The following TRPM6 variants were observed in gnomAD, a reference collection of about 807,000 sequenced individuals.
The protein encoded by TRPM6 is transient receptor potential cation channel subfamily M member 6, also known as channel kinase 2.
A neutral mutation model predicts 247.6 loss-of-function variants in TRPM6; 111 were observed. That is an observed-to-expected ratio of 0.45 (90% CI 0.38 to 0.52). The LOEUF is 0.52. TRPM6 is among the 20% of genes least tolerant of loss of function. TRPM6 has a pLI of 0.00. For missense variants in TRPM6, 2,126 were observed against 2,421.5 expected (o/e 0.88, Z 2.56); for synonymous variants, 892 against 853.8 (o/e 1.04, Z -0.78).
chr9:74,749,910 C>A (rs1826181318), intron 30 of TRPM6, among the ~76,000 whole-genome samples: 1 of 152,152 alleles, frequency 6.6e-6, no homozygotes, highest in South Asian at 2.1e-4. Context: ...CACCTTCTAC[C>A]TGCTGGGTAT....
chr9:74,777,435 G>T (rs778590603), intron 23 of TRPM6, among the ~76,000 whole-genome samples: 1 of 152,140 alleles, frequency 6.6e-6, no homozygotes, highest in South Asian at 2.1e-4. Flanking sequence ...CCTATGCGAG[G>T]ATTTCTCAAC....
chr9:74,804,217 C>T (rs937916854), intron 14 of TRPM6, among the ~76,000 whole-genome samples: 2 of 152,062 alleles, frequency 1.3e-5, no homozygotes, highest in African/African-American at 4.8e-5. Flanking sequence ...CTCCCTGGAA[C>T]GAGTTCAAAA....
At chr9:74,839,884 A>AGGAAGGAAGGAAGGAG (rs1829860827) in intron 5 of TRPM6, 140 bp downstream of exon 5, 1 of 195,234 alleles carries the variant, frequency 5.1e-6, no homozygotes. Flanking sequence ...GAAGGAAGGA[A>AGGAAGGAAGGAAGGAG]GGAAGGAAGG....
rs1329362156 is a variant in TRPM6, at chr9:74,739,458, T to C, written c.5488-9A>G. On this transcript the variant is annotated splice_polypyrimidine_tract_variant and intron_variant, in intron 34 of 38. Coordinates refer to ENST00000360774, the MANE Select transcript of TRPM6 (RefSeq NM_017662.5). ...CTTTGTTGTTGAATTTCCTACAAAATAGGGAGCACTGATAAAAATACTGAT... is the reference window on the plus strand; with the variant it reads ...CTTTGTTGTTGAATTTCCTACAAAACAGGGAGCACTGATAAAAATACTGAT... 6.2e-7 allele frequency: 1 copy of C among 1,612,024 alleles called. No individual in the cohort carries two copies. The highest frequency in any genetic ancestry group is 1.7e-5 in the Admixed American group (1 of 60,016).
intron 21 of TRPM6, 41 bp from the exon 22 acceptor site, chr9:74,782,894 T>G: frequency 6.2e-7 from 1 of 1,601,284 alleles, no homozygotes. Flanking sequence ...TACCACAGAT[T>G]TGAAGTTCAA....
intron 19 of TRPM6, among the ~76,000 whole-genome samples, chr9:74,791,893 A>T (rs1348528396): frequency 2.0e-5 from 3 of 152,112 alleles, no homozygotes; most frequent in African/African-American, 7.2e-5. Flanking sequence ...AGTAGCTGGG[A>T]CTACAGGCGC....
At chr9:74,744,360 T>G (rs957319505) in intron 31 of TRPM6, among the ~76,000 whole-genome samples, 2 of 152,116 alleles carry the variant, frequency 1.3e-5, no homozygotes, top group African/African-American at 4.8e-5. Flanking sequence ...CATATTTATA[T>G]AGGGAATTGA....
At chr9:74,840,575 G>C (rs993173784) in intron 4 of TRPM6, among the ~76,000 whole-genome samples, 3 of 152,166 alleles carry the variant, frequency 2.0e-5, no homozygotes, top group Non-Finnish European at 4.4e-5. Flanking sequence ...AGCACTTCGG[G>C]AGGCCGAGGT....
intron 32 of TRPM6, among the ~76,000 whole-genome samples, chr9:74,742,935 T>C (rs1825908723): frequency 6.6e-6 from 1 of 152,222 alleles, no homozygotes; most frequent in South Asian, 2.1e-4. Flanking sequence ...TTCTTTTAAA[T>C]GGCATTTTAA....
At chr9:74,763,830 G>A (rs145974124) in intron 25 of TRPM6, among the ~76,000 whole-genome samples, 1 of 152,274 alleles carries the variant, frequency 6.6e-6, no homozygotes, top group East Asian at 1.9e-4. Context: ...CCTTTCAAAT[G>A]TAAATGTAAG....
Position 74,833,923 on chromosome 9 carries a change from A to C in TRPM6, c.669+75T>G, listed in dbSNP as rs1213546565. 6 of 1,583,012 alleles carry C rather than the reference A, an allele frequency of 3.8e-6. No homozygotes were observed. The African/African-American group carries it at 8.1e-5, about 21-fold the overall frequency. On this transcript the variant is annotated intron_variant, in intron 6 of 38. Coordinates refer to ENST00000360774, the MANE Select transcript of TRPM6 (RefSeq NM_017662.5). ...CATCTGTAATGTTCATTCATTAGAC[A>C]TCCAGGTACAGTGTTAAGCTGGCAA... is the stretch of plus-strand genomic sequence containing the variant.
intron 1 of TRPM6, among the ~76,000 whole-genome samples, chr9:74,861,401 A>AT (rs1458769128): frequency 6.6e-6 from 1 of 152,110 alleles, no homozygotes; most frequent in African/African-American, 2.4e-5. Context: ...TATTTTTTTA[A>AT]TTTTTTGTAT....
intron 30 of TRPM6, among the ~76,000 whole-genome samples, chr9:74,748,541 G>A (rs1804693652): frequency 6.6e-6 from 1 of 152,162 alleles, no homozygotes; most frequent in South Asian, 2.1e-4. Context: ...TGATGATCCT[G>A]ATCCTGTGTA....
chr9:74,839,738 G>A (rs1829852412), intron 5 of TRPM6, among the ~76,000 whole-genome samples: 1 of 151,918 alleles, frequency 6.6e-6, no homozygotes, highest in Non-Finnish European at 1.5e-5. Flanking sequence ...CTAGTCACTA[G>A]GATTTTCATC....
At chr9:74,852,806 AGGC>A (rs1376995827) in intron 3 of TRPM6, among the ~76,000 whole-genome samples, 6 of 152,164 alleles carry the variant, frequency 3.9e-5, no homozygotes, top group Admixed American at 6.5e-5. Context: ...AATGTTGCCC[AGGC>A]TGGAGTGCAG....
At chr9:74,811,150 T>C (rs1828715916) in intron 12 of TRPM6, among the ~76,000 whole-genome samples, 1 of 152,256 alleles carries the variant, frequency 6.6e-6, no homozygotes, top group South Asian at 2.1e-4. Flanking sequence ...CTATCCTTTA[T>C]CATACAATTA....
intron 1 of TRPM6, among the ~76,000 whole-genome samples, chr9:74,872,059 G>A (rs137960851): frequency 6.6e-6 from 1 of 151,902 alleles, no homozygotes; most frequent in African/African-American, 2.4e-5. Flanking sequence ...CACTATGTTG[G>A]CCAGGCTGGT....
At chr9:74,859,105 C>T (rs1463289334) in intron 1 of TRPM6, among the ~76,000 whole-genome samples, 1 of 152,146 alleles carries the variant, frequency 6.6e-6, no homozygotes, top group African/African-American at 2.4e-5. Flanking sequence ...GAATAAATAC[C>T]AAGCTCCCGA....
At chr9:74,765,717 C>T (rs887287745) in intron 25 of TRPM6, among the ~76,000 whole-genome samples, 3 of 152,118 alleles carry the variant, frequency 2.0e-5, no homozygotes, top group African/African-American at 7.2e-5. Context: ...CAAGCACTTC[C>T]CAAAATAGTG....
Sources: allele counts gnomAD v4.1 joint callset (sites outside exome capture counted in the v4.1 genomes callset), GRCh38; gene constraint gnomAD v4.1.1; transcripts MANE v1.5; gene names NCBI Gene and HGNC (gene_info 2026-07-23, HGNC 2026-07-21).